E2F3: variants seen among roughly 807,000 people sequenced by gnomAD.
E2F3 encodes transcription factor E2F3.
E2F3 carries 11 observed loss-of-function variants against 44.4 expected under a neutral mutation model. That is an observed-to-expected ratio of 0.25 (90% CI 0.16 to 0.41). The LOEUF is 0.41. Ranked by LOEUF, E2F3 falls within the 10% of genes least tolerant of loss-of-function variation. The pLI, the probability that E2F3 is intolerant of heterozygous loss-of-function variation, is 1.00. For synonymous variants in E2F3, 249 were observed against 253.0 expected (o/e 0.98, Z 0.15); for missense variants, 487 against 583.6 (o/e 0.83, Z 1.70).
intron 1 of E2F3, among the ~76,000 whole-genome samples, chr6:20,458,615 T>C (rs1406800321): frequency 6.6e-6 from 1 of 152,232 alleles, no homozygotes; most frequent in Non-Finnish European, 1.5e-5. Flanking sequence ...AGTGTAACTT[T>C]ACTCACTCTC....
rs1447331999 is a variant in E2F3 at position 20,406,758 on chromosome 6, A to G, written c.393+4133A>G. ...ACCTGCCAACTTTTGGGTGCAGTTT[A>G]TGCTTAGCGGCTTTTGTTAGACCTG... On this transcript the variant is annotated intron_variant, in intron 1 of 6. Transcript: ENST00000346618. Among the ~76,000 whole-genome samples, 3 of 152,250 alleles carry G rather than the reference A, an allele frequency of 2.0e-5. No homozygotes were observed. The East Asian group carries it at 5.8e-4, about 29-fold the overall frequency.
intron 1 of E2F3, among the ~76,000 whole-genome samples, chr6:20,425,810 A>T (rs146926455): frequency 4.1e-4 from 63 of 152,314 alleles, no homozygotes; most frequent in African/African-American, 1.4e-3. Flanking sequence ...TTAAACTGGG[A>T]CATTCATGTG....
intron 1 of E2F3, among the ~76,000 whole-genome samples, chr6:20,468,430 G>A (rs1054732972): frequency 1.3e-5 from 2 of 152,220 alleles, no homozygotes; most frequent in African/African-American, 4.8e-5. Context: ...AGATGAAGAG[G>A]TGCATAGGGC....
At chr6:20,477,744 A>G (rs1762093455) in intron 1 of E2F3, among the ~76,000 whole-genome samples, 1 of 152,240 alleles carries the variant, frequency 6.6e-6, no homozygotes, top group Non-Finnish European at 1.5e-5. Context: ...CATAAGGAAG[A>G]GAAAATAGAT....
chr6:20,441,607 C>T (rs1760774746), intron 1 of E2F3, among the ~76,000 whole-genome samples: 2 of 151,950 alleles, frequency 1.3e-5, no homozygotes, highest in South Asian at 4.1e-4. Flanking sequence ...TGGAATCTTG[C>T]TCTGTTGCCC....
rs1375780373 is a variant in E2F3 at position 20,412,219 on chromosome 6, G to A, written c.393+9594G>A. Among the ~76,000 whole-genome samples, 3 of 152,136 alleles carry A rather than the reference G, an allele frequency of 2.0e-5. No homozygotes were observed. The South Asian group carries it at 6.2e-4, about 32-fold the overall frequency. ...AACAGGTGAGAGTCACCAGACTCCAGCTGGGCCGTGAGATGGGGAGGCCAC... is the reference window on the plus strand; with the variant it reads ...AACAGGTGAGAGTCACCAGACTCCAACTGGGCCGTGAGATGGGGAGGCCAC... On this transcript the variant is annotated intron_variant, in intron 1 of 6. Coordinates refer to ENST00000346618, the MANE Select transcript of E2F3 (RefSeq NM_001949.5).
intron 1 of E2F3, among the ~76,000 whole-genome samples, chr6:20,445,550 T>A (rs1377372221): frequency 6.6e-6 from 1 of 152,178 alleles, no homozygotes; most frequent in Non-Finnish European, 1.5e-5. Flanking sequence ...TTAGCATTGA[T>A]ACCCCCTCTA....
chr6:20,402,565 G>A lies in E2F3; in HGVS notation c.333G>A (p.Gly111=). Residue 111 remains glycine (G), a synonymous_variant, in exon 1 of 7, where the codon GGG becomes GGA. Coordinates refer to ENST00000346618, the MANE Select transcript of E2F3 (RefSeq NM_001949.5). This position sits in a 1 kb window ranked among gnomAD's most constrained non-coding sequence, Gnocchi z 5.6. ...TTPHGPSSRA[G]LLQQPPALGR... is the part of the protein sequence containing the mutation. ...CGCACGGACCCTCCAGCAGAGCCGG[G>A]CTGCTGCAGCAGCCACCAGCGCTGG... 1 of 1,548,102 alleles carries A rather than the reference G, an allele frequency of 6.5e-7. No individual in the cohort carries two copies. The highest frequency in any genetic ancestry group is 8.6e-7 in the Non-Finnish European group (1 of 1,159,948).
At chr6:20,473,816 A>C (rs897345584) in intron 1 of E2F3, among the ~76,000 whole-genome samples, 26 of 152,164 alleles carry the variant, frequency 1.7e-4, no homozygotes, top group African/African-American at 6.3e-4. Context: ...GGATTGACTG[A>C]CCCTTCCTGC....
chr6:20,449,753 C>T (rs971235401), intron 1 of E2F3, among the ~76,000 whole-genome samples: 4 of 152,094 alleles, frequency 2.6e-5, no homozygotes, highest in African/African-American at 7.2e-5. Context: ...GTTATTTTTC[C>T]TGATCCTCTC....
chr6:20,456,134 A>C (rs1488324959), intron 1 of E2F3, among the ~76,000 whole-genome samples: 1 of 152,108 alleles, frequency 6.6e-6, no homozygotes, highest in African/African-American at 2.4e-5. Context: ...GGTCAGAGTA[A>C]ATGAACAAAA....
chr6:20,485,510 C>T (rs1309548080), intron 4 of E2F3, among the ~76,000 whole-genome samples: 3 of 152,136 alleles, frequency 2.0e-5, no homozygotes, highest in Admixed American at 6.5e-5. Context: ...ACCCCAGAGA[C>T]GGAGGTTGCA....
At chr6:20,479,791 C>A in intron 1 of E2F3, 55 bp from the exon 2 acceptor site, 1 of 1,511,934 alleles carries the variant, frequency 6.6e-7, no homozygotes, top group South Asian at 1.2e-5. Context: ...AACTGCCTCC[C>A]TTCTTGTTCT....
At chr6:20,424,474 T>G (rs979711674) in intron 1 of E2F3, among the ~76,000 whole-genome samples, 21 of 152,138 alleles carry the variant, frequency 1.4e-4, no homozygotes, top group Non-Finnish European at 8.8e-5. Flanking sequence ...CTCTGAACTT[T>G]CTACTCTGCT....
intron 1 of E2F3, among the ~76,000 whole-genome samples, chr6:20,417,220 T>C (rs919332335): frequency 6.6e-6 from 1 of 152,146 alleles, no homozygotes; most frequent in African/African-American, 2.4e-5. Context: ...TATTTAAAGA[T>C]ACAGTGAAAA....
chr6:20,404,138 G>A (rs911768084), intron 1 of E2F3, among the ~76,000 whole-genome samples: 1 of 137,118 alleles, frequency 7.3e-6, no homozygotes, highest in African/African-American at 2.7e-5. Context: ...CAATGGCCGA[G>A]TTGAGCTCTG....
intron 1 of E2F3, among the ~76,000 whole-genome samples, chr6:20,462,298 C>T (rs909169193): frequency 1.3e-5 from 2 of 151,984 alleles, no homozygotes; most frequent in Non-Finnish European, 2.9e-5. Context: ...TTTATTTTTC[C>T]GATACACAGT....
intron 1 of E2F3, among the ~76,000 whole-genome samples, chr6:20,435,007 C>T (rs1444943309): frequency 6.6e-6 from 1 of 152,216 alleles, no homozygotes; most frequent in Non-Finnish European, 1.5e-5. Flanking sequence ...GCCGTGGATG[C>T]TCTGCATAGC....
chr6:20,403,711 C>G lies in E2F3; in HGVS notation c.393+1086C>G, dbSNP rs1010643754. 1,866 of 895,552 alleles carry G rather than the reference C, an allele frequency of 2.1e-3. 8 individuals are homozygous for G. Among genetic ancestry groups the G allele is most frequent in the Non-Finnish European group, 2.8e-3 (1,723 of 609,144 alleles). 55.5% of individuals were successfully genotyped at this position (895,552 alleles called of 1,614,324 possible). On this transcript the variant is annotated intron_variant, in intron 1 of 6. Coordinates refer to ENST00000346618, the MANE Select transcript of E2F3 (RefSeq NM_001949.5). ...CCCTCCCTCTCCTCTCCCCACCCCCCCACCGGCGCCCGCCCTCGCCCTGCG... is the reference window on the plus strand; with the variant it reads ...CCCTCCCTCTCCTCTCCCCACCCCCGCACCGGCGCCCGCCCTCGCCCTGCG...
Sources: allele counts gnomAD v4.1 joint callset (sites outside exome capture counted in the v4.1 genomes callset), GRCh38; gene constraint gnomAD v4.1.1; non-coding constraint Gnocchi (gnomAD v3.1); transcripts MANE v1.5; gene names NCBI Gene and HGNC (gene_info 2026-07-23, HGNC 2026-07-21).